FRYL: variants seen among roughly 807,000 people sequenced by gnomAD.
FRYL encodes the protein protein furry homolog-like.
A neutral mutation model predicts 351.2 loss-of-function variants in FRYL; 150 were observed. The ratio of observed to expected loss-of-function variants is 0.43; its 90% CI spans 0.37 to 0.49. FRYL has a LOEUF of 0.49. Among genes scored for constraint, FRYL ranks in the 20% least tolerant of loss-of-function variants. The pLI is 0.00. For synonymous variants in FRYL, 1,153 were observed against 1,257.1 expected, an observed-to-expected ratio of 0.92 and a Z score of 1.75; for missense variants, 3,036 against 3,619.3, an observed-to-expected ratio of 0.84 and a Z score of 4.13.
At chr4:48,723,084 T>G (rs1348166447) in intron 1 of FRYL, among the ~76,000 whole-genome samples, 1 of 151,884 alleles carries the variant, frequency 6.6e-6, no homozygotes, top group Non-Finnish European at 1.5e-5. Context: ...CCTAACAGGT[T>G]TTTTTTTGTT....
chr4:48,573,267 C>A (rs781169317), intron 25 of FRYL, 24 bp from the exon 26 acceptor site: 30 of 1,410,660 alleles, frequency 2.1e-5, no homozygotes, highest in Non-Finnish European at 2.7e-5. Context: ...GGTACATATT[C>A]TATTAATAGC....
At chr4:48,598,094 T>C (rs1744975819) in intron 13 of FRYL, among the ~76,000 whole-genome samples, 1 of 152,214 alleles carries the variant, frequency 6.6e-6, no homozygotes, top group South Asian at 2.1e-4. Context: ...AAAAATGATT[T>C]GTTTAAAACC....
intron 3 of FRYL, among the ~76,000 whole-genome samples, chr4:48,647,385 G>C (rs1756720476): frequency 6.6e-6 from 1 of 152,078 alleles, no homozygotes; most frequent in Admixed American, 6.6e-5. Context: ...ATATTATTCT[G>C]GCCTGTTTGC....
intron 4 of FRYL, among the ~76,000 whole-genome samples, chr4:48,627,740 A>G (rs1329342897): frequency 6.6e-6 from 1 of 152,138 alleles, no homozygotes; most frequent in Non-Finnish European, 1.5e-5. Flanking sequence ...GTAGTTGAGG[A>G]TGCCCTAATG....
intron 1 of FRYL, among the ~76,000 whole-genome samples, chr4:48,757,623 C>T (rs1250646401): frequency 2.0e-5 from 3 of 152,212 alleles, no homozygotes; most frequent in Non-Finnish European, 4.4e-5. Context: ...ATTCCATGCT[C>T]ATGGGTAGGA....
intron 1 of FRYL, among the ~76,000 whole-genome samples, chr4:48,723,230 C>A (rs538770668): frequency 5.3e-4 from 80 of 152,230 alleles, no homozygotes; most frequent in Non-Finnish European, 9.9e-4. Flanking sequence ...GCAGCCTCGA[C>A]CTCCTGGGCT....
chr4:48,712,199 T>G (rs1003884277), intron 1 of FRYL, among the ~76,000 whole-genome samples: 21 of 151,980 alleles, frequency 1.4e-4, no homozygotes, highest in African/African-American at 3.6e-4. Context: ...TCACCAGCAA[T>G]GGAACAAAGC....
chr4:48,511,288 T>C (rs1722422018), intron 57 of FRYL, among the ~76,000 whole-genome samples: 1 of 152,190 alleles, frequency 6.6e-6, no homozygotes, highest in Non-Finnish European at 1.5e-5. Context: ...TTCTTAGCAA[T>C]GAAAGTCCTC....
intron 36 of FRYL, among the ~76,000 whole-genome samples, chr4:48,552,598 T>C (rs1733115392): frequency 6.6e-6 from 1 of 152,126 alleles, no homozygotes; most frequent in Non-Finnish European, 1.5e-5. Flanking sequence ...ACAGTCCAAC[T>C]ATGAAACATG....
At position 48,564,000 on chromosome 4, in the gene FRYL, C is replaced by G. The variant is rs1163128400; in HGVS notation, c.3544G>C (p.Gly1182Arg). 1 of 1,614,148 alleles carries G rather than the reference C, an allele frequency of 6.2e-7. No individual in the cohort carries two copies. The change falls in exon 31 of 64, where the codon GGG (glycine) becomes CGG (arginine). Residue 1182 changes from glycine (G) to arginine (R), a missense_variant. By Grantham distance (125) the Gly-to-Arg change is moderately radical. This residue lies in a region of FRYL where 1,987 missense variants were observed against 2,311.7 expected (regional missense o/e 0.86). Coordinates refer to ENST00000358350, the MANE Select transcript of FRYL (RefSeq NM_015030.2). ...TTAAAGCAGCCGGCCGCCACCCTCC[C>G]GGAGCCCGTGTAGCAGCGGTCCACA... ...WAVDRCYTGSGRVAAGCFKAI... is the reference protein window; with the variant it reads ...WAVDRCYTGSRRVAAGCFKAI...
At chr4:48,734,859 T>TAA (rs1158653560) in intron 1 of FRYL, among the ~76,000 whole-genome samples, 3 of 152,258 alleles carry the variant, frequency 2.0e-5, no homozygotes, top group African/African-American at 7.2e-5. Context: ...CCTAAAACCA[T>TAA]AAAAACTCTA....
intron 16 of FRYL, among the ~76,000 whole-genome samples, chr4:48,592,083 TA>T (rs1743437821): frequency 3.3e-4 from 2 of 6,044 alleles, no homozygotes; most frequent in Admixed American, 5.3e-3. Context: ...ATAAAGCTCT[TA>T]TATATATATA....
At chr4:48,531,469 C>A in intron 49 of FRYL, 116 bp from the exon 50 acceptor site, 1 of 677,648 alleles carries the variant, frequency 1.5e-6, no homozygotes, top group Non-Finnish European at 2.5e-6. Flanking sequence ...AAAAATTATT[C>A]ATTTTGAAGA....
intron 3 of FRYL, among the ~76,000 whole-genome samples, chr4:48,656,254 T>C (rs1395373184): frequency 1.7e-5 from 2 of 120,474 alleles, no homozygotes; most frequent in African/African-American, 5.9e-5. Context: ...TATGAATATA[T>C]ATTTGAATAT....
At chr4:48,558,597 T>A (rs541860123) in intron 33 of FRYL, among the ~76,000 whole-genome samples, 1 of 152,380 alleles carries the variant, frequency 6.6e-6, no homozygotes, top group African/African-American at 2.4e-5. Flanking sequence ...TTATGCTTTT[T>A]TATCACAATG....
intron 33 of FRYL, 126 bp from the exon 34 acceptor site, chr4:48,557,838 T>C: frequency 9.3e-7 from 1 of 1,074,378 alleles, no homozygotes; most frequent in South Asian, 1.6e-5. Flanking sequence ...CAATTATGAG[T>C]ATTGTTTTTC....
chr4:48,601,980 C>T (rs1467426633), intron 13 of FRYL, 40 bp downstream of exon 13: 1 of 1,139,134 alleles, frequency 8.8e-7, no homozygotes, highest in Non-Finnish European at 1.3e-6. Flanking sequence ...CAAAATATAC[C>T]AGTCAGTATT....
At chr4:48,622,759 C>T (rs765740730) in intron 5 of FRYL, among the ~76,000 whole-genome samples, 17 of 151,810 alleles carry the variant, frequency 1.1e-4, no homozygotes, top group Non-Finnish European at 2.2e-4. Context: ...TGTTAGACAC[C>T]GGCATTCTAC....
At chr4:48,678,954 A>T (rs1478188433) in intron 3 of FRYL, among the ~76,000 whole-genome samples, 3 of 152,172 alleles carry the variant, frequency 2.0e-5, no homozygotes, top group African/African-American at 7.2e-5. Flanking sequence ...TCTTTAAAAA[A>T]AAGAACCAGT....
Sources: allele counts gnomAD v4.1 joint callset (sites outside exome capture counted in the v4.1 genomes callset), GRCh38; gene constraint gnomAD v4.1.1; regional missense constraint gnomAD v4.1.1; transcripts MANE v1.5; gene names NCBI Gene and HGNC (gene_info 2026-07-23, HGNC 2026-07-21).